Variants in NEK10 observed in about 807,000 individuals in gnomAD.
The protein encoded by NEK10 is NIMA related kinase 10.
Under a neutral mutation model 159.8 loss-of-function variants are expected in NEK10, and 122 were observed. The ratio of observed to expected loss-of-function variants is 0.76; its 90% CI spans 0.66 to 0.89. The LOEUF is 0.89. Ranked by LOEUF, NEK10 falls within the 40% of genes least tolerant of loss-of-function variation. The probability of loss-of-function intolerance (pLI) is 0.00; values close to 1 mark genes in which losing one functional copy is unlikely to be tolerated. For missense variants in NEK10, 1,342 were observed against 1,323.1 expected, an observed-to-expected ratio of 1.01 and a Z score of -0.22; for synonymous variants, 466 against 457.1, an observed-to-expected ratio of 1.02 and a Z score of -0.25.
At chr3:27,297,263 C>A in intron 13 of NEK10, 23 bp from the exon 14 acceptor site, 1 of 1,535,004 alleles carries the variant, frequency 6.5e-7, no homozygotes, top group Non-Finnish European at 9.0e-7. Flanking sequence ...CAATCAAATG[C>A]ATAGTGTGCA....
At chr3:27,235,900 A>G (rs1296485975) in intron 23 of NEK10, among the ~76,000 whole-genome samples, 2 of 152,154 alleles carry the variant, frequency 1.3e-5, no homozygotes, top group Non-Finnish European at 2.9e-5. Flanking sequence ...AAAATGATAG[A>G]CTGGGTAAAA....
intron 29 of NEK10, among the ~76,000 whole-genome samples, chr3:27,168,200 A>C (rs1342103721): frequency 6.6e-6 from 1 of 151,780 alleles, no homozygotes; most frequent in East Asian, 1.9e-4. Flanking sequence ...CAAGTGGGAG[A>C]GCTGCCTAGG....
Position 27,310,976 on chromosome 3 carries a change from T to C in NEK10, c.609A>G (p.Glu203=), listed in dbSNP as rs564465845. Reference sequence around the variant, plus strand: ...TGTGGGCTCCACTTGTGGTGACCCATTCTCTTTGATCTTTGACTGCAGCAA... The same window carrying C: ...TGTGGGCTCCACTTGTGGTGACCCACTCTCTTTGATCTTTGACTGCAGCAA... The part of the protein sequence containing the change: ...QKLAAVKDQR[E]WVTTSGAHKT... Residue 203 remains glutamate (E), a synonymous_variant, in exon 9 of 36, where the codon GAA becomes GAG. Coordinates refer to ENST00000691995, the MANE Select transcript of NEK10 (RefSeq NM_001394966.1). 78 of 1,612,454 alleles carry C rather than the reference T, an allele frequency of 4.8e-5. 1 individual carries two copies. In the South Asian group the frequency reaches 7.6e-4, roughly 16 times the overall value.
intron 5 of NEK10, among the ~76,000 whole-genome samples, chr3:27,337,428 C>T (rs1195919315): frequency 1.4e-5 from 2 of 144,086 alleles, no homozygotes; most frequent in Non-Finnish European, 3.0e-5. Context: ...ATCAAAAGAT[C>T]ATATTTCACA....
intron 5 of NEK10, among the ~76,000 whole-genome samples, chr3:27,334,222 C>T (rs1389861029): frequency 6.6e-6 from 1 of 152,222 alleles, no homozygotes; most frequent in Non-Finnish European, 1.5e-5. Flanking sequence ...CCAGCATGTG[C>T]TGCCTGCAGG....
At position 27,344,257 on chromosome 3, in the gene NEK10, CA is replaced by C. The variant is rs772340323; in HGVS notation, c.362+14del. 50 of 1,357,256 alleles carry C rather than the reference CA, an allele frequency of 3.7e-5. No individual in the cohort carries two copies. Among genetic ancestry groups the C allele is most frequent in the South Asian group, 1.8e-4 (15 of 82,036 alleles). 84.1% of individuals were successfully genotyped at this position (1,357,256 alleles called of 1,614,324 possible). On this transcript the variant is annotated intron_variant, in intron 5 of 35. Coordinates refer to ENST00000691995, the MANE Select transcript of NEK10 (RefSeq NM_001394966.1). The stretch of plus-strand genomic sequence containing the variant: ...CACTCTTCAGTAAAAGCCTGTTTTC[CA>C]GGAACAATCTTACCTGCTTATGAGT...
At chr3:27,155,300 G>A (rs1362513691) in intron 30 of NEK10, among the ~76,000 whole-genome samples, 7 of 151,986 alleles carry the variant, frequency 4.6e-5, no homozygotes, top group African/African-American at 1.4e-4. Flanking sequence ...TCAAGAGATC[G>A]AGACCATCCT....
At chr3:27,148,698 C>G (rs1308895099) in intron 30 of NEK10, among the ~76,000 whole-genome samples, 4 of 152,194 alleles carry the variant, frequency 2.6e-5, no homozygotes, top group Non-Finnish European at 5.9e-5. Flanking sequence ...ATTTTACACA[C>G]CATGCTACAA....
intron 30 of NEK10, among the ~76,000 whole-genome samples, chr3:27,156,606 C>T (rs1449354117): frequency 6.6e-6 from 1 of 151,878 alleles, no homozygotes; most frequent in Admixed American, 6.6e-5. Context: ...AATGCGATAC[C>T]ACCTTACTCC....
chr3:27,139,344 A>T (rs11712293), intron 31 of NEK10, among the ~76,000 whole-genome samples: 1 of 151,970 alleles, frequency 6.6e-6, no homozygotes, highest in Non-Finnish European at 1.5e-5. Flanking sequence ...AACCTCATCT[A>T]GGACAAATGT....
rs542794047 is a variant in NEK10 at position 27,178,996 on chromosome 3, G to A, written c.2506-4163C>T. On this transcript the variant is annotated intron_variant, in intron 26 of 35. Transcript: ENST00000691995. ...TTGCCCAGGCTGTTCTTGAACCTCC[G>A]GGTTTAAGGGATCATCCTGCCTCGG... 5.3e-5 allele frequency among the ~76,000 whole-genome samples: 8 copies of A among 152,190 alleles called. No individual in the cohort carries two copies. The East Asian group carries it at 1.2e-3, about 22-fold the overall frequency.
chr3:27,204,558 T>C (rs1246476548), intron 23 of NEK10, among the ~76,000 whole-genome samples: 2 of 129,794 alleles, frequency 1.5e-5, no homozygotes, highest in Non-Finnish European at 3.2e-5. Context: ...GAATATGCAG[T>C]GTTTGGTTTT....
At chr3:27,294,672 G>A (rs1416178151) in intron 15 of NEK10, among the ~76,000 whole-genome samples, 5 of 152,026 alleles carry the variant, frequency 3.3e-5, no homozygotes, top group East Asian at 1.9e-4. Flanking sequence ...GAGACACCCC[G>A]AAAGAGTCTG....
chr3:27,321,872 G>C (rs140755132), intron 6 of NEK10, among the ~76,000 whole-genome samples: 1 of 152,216 alleles, frequency 6.6e-6, no homozygotes, highest in Admixed American at 6.5e-5. Context: ...ATGTGGCCAA[G>C]TGTATACCTC....
intron 29 of NEK10, among the ~76,000 whole-genome samples, chr3:27,164,078 T>C (rs2140082): frequency 0.99 from 150,570 of 152,332 alleles, 74,415 homozygotes; most frequent in East Asian, 1. Context: ...ATAATATATT[T>C]TGTTCCATTC....
At chr3:27,327,806 C>A (rs1009410741) in intron 5 of NEK10, among the ~76,000 whole-genome samples, 1 of 152,080 alleles carries the variant, frequency 6.6e-6, no homozygotes, top group Admixed American at 6.6e-5. Context: ...AAACAACCTG[C>A]CATCTTTGAC....
At chr3:27,331,628 G>C (rs1341299926) in intron 5 of NEK10, among the ~76,000 whole-genome samples, 1 of 152,170 alleles carries the variant, frequency 6.6e-6, no homozygotes, top group Non-Finnish European at 1.5e-5. Flanking sequence ...GAAAGGAAAA[G>C]AGTCACTTGC....
chr3:27,364,899 C>G (rs577049841), intron 1 of NEK10, among the ~76,000 whole-genome samples: 2 of 152,214 alleles, frequency 1.3e-5, no homozygotes, highest in Non-Finnish European at 2.9e-5. Flanking sequence ...TGTAACACTC[C>G]TAATGAATCT....
chr3:27,116,190 C>T, intron 33 of NEK10, 63 bp from the exon 34 acceptor site: 5 of 1,478,186 alleles, frequency 3.4e-6, no homozygotes, highest in Middle Eastern at 1.9e-4. Context: ...TTATTCTTTA[C>T]TGGCAATTAT....
Sources: gnomAD v4.1 joint callset for allele counts (sites outside exome capture counted in the v4.1 genomes callset) on GRCh38, gnomAD v4.1.1 for gene constraint, MANE v1.5 for transcripts, NCBI Gene and HGNC (gene_info 2026-07-23, HGNC 2026-07-21) for gene names.